Variants in WDR7 observed in about 807,000 individuals in gnomAD.
The protein encoded by WDR7 is WD repeat-containing protein 7.
A neutral mutation model predicts 169.4 loss-of-function variants in WDR7; 46 were observed. The observed-to-expected ratio is 0.27, with a 90% CI of 0.21 to 0.35. WDR7 has a LOEUF of 0.35. Among genes scored for constraint, WDR7 ranks in the 10% least tolerant of loss-of-function variants. WDR7 has a pLI of 1.00. For missense variants in WDR7, 1,534 were observed against 1,859.3 expected, an observed-to-expected ratio of 0.83 and a Z score of 3.22; for synonymous variants, 612 against 666.8, an observed-to-expected ratio of 0.92 and a Z score of 1.27.
At chr18:56,862,615 A>G (rs2145414077) in intron 20 of WDR7, among the ~76,000 whole-genome samples, 1 of 151,966 alleles carries the variant, frequency 6.6e-6, no homozygotes, top group Non-Finnish European at 1.5e-5. Context: ...CTGTCTTGAT[A>G]ATAATTTTGA....
chr18:56,798,123 AG>A (rs1452337426), intron 19 of WDR7, among the ~76,000 whole-genome samples: 8 of 152,224 alleles, frequency 5.3e-5, no homozygotes, highest in African/African-American at 1.9e-4. Flanking sequence ...TTATTTTTAA[AG>A]GATGTAATGA....
In WDR7 at chr18:56,881,740, G is replaced by A. The variant is rs568169408; in HGVS notation, c.3526+1575G>A. Among the ~76,000 whole-genome samples the A allele has an allele frequency of 1.5e-4, 23 of 151,982 alleles. 1 individual carries two copies. The South Asian group carries it at 4.2e-3, about 28-fold the overall frequency. ...AGCCAGGATTACAGGTGTAGGCCAC[G>A]ATGACTGGGTAATTTTTGTATTTTT... is the stretch of plus-strand genomic sequence containing the variant. On this transcript the variant is annotated intron_variant, in intron 21 of 27. Coordinates refer to ENST00000254442, the MANE Select transcript of WDR7 (RefSeq NM_015285.3).
chr18:57,002,686 T>G (rs2048000956), intron 26 of WDR7, among the ~76,000 whole-genome samples: 1 of 152,214 alleles, frequency 6.6e-6, no homozygotes, highest in Non-Finnish European at 1.5e-5. Flanking sequence ...CTGTAACACT[T>G]GAATGGCTGC....
chr18:56,865,374 A>G (rs962323283), intron 20 of WDR7, among the ~76,000 whole-genome samples: 4 of 152,158 alleles, frequency 2.6e-5, no homozygotes, highest in African/African-American at 9.6e-5. Flanking sequence ...TAAACACACT[A>G]TCGGCTTAGA....
chr18:57,017,074 T>C (rs2048215948), intron 26 of WDR7, among the ~76,000 whole-genome samples: 1 of 152,234 alleles, frequency 6.6e-6, no homozygotes, highest in Non-Finnish European at 1.5e-5. Context: ...CACTTACAAG[T>C]TCTGTGCGAT....
intron 25 of WDR7, among the ~76,000 whole-genome samples, chr18:56,941,130 G>T (rs1189678733): frequency 6.6e-6 from 1 of 152,108 alleles, no homozygotes. Flanking sequence ...TGAATAAGAT[G>T]ATATCCTCAC....
intron 21 of WDR7, among the ~76,000 whole-genome samples, chr18:56,908,669 A>G (rs182482678): frequency 2.6e-5 from 4 of 152,316 alleles, no homozygotes; most frequent in East Asian, 1.9e-4. Context: ...CTCATATTCA[A>G]AATTGAAACT....
chr18:56,907,752 C>G (rs1407311811), intron 21 of WDR7, among the ~76,000 whole-genome samples: 1 of 152,132 alleles, frequency 6.6e-6, no homozygotes, highest in Non-Finnish European at 1.5e-5. Flanking sequence ...ATGGATGGTG[C>G]CTTCTTCCTG....
At chr18:56,654,275 G>T (rs2024718385) in intron 1 of WDR7, among the ~76,000 whole-genome samples, 1 of 152,022 alleles carries the variant, frequency 6.6e-6, no homozygotes, top group South Asian at 2.1e-4. Context: ...GCAACTACAG[G>T]CACGCGCCAC....
At chr18:56,876,432 T>C (rs947980975) in intron 20 of WDR7, among the ~76,000 whole-genome samples, 1 of 152,088 alleles carries the variant, frequency 6.6e-6, no homozygotes, top group African/African-American at 2.4e-5. Flanking sequence ...CAAAGAGACA[T>C]AACTAGGCTC....
chr18:57,034,880 G>GC, the WDR7 span: 2 of 152,048 alleles, frequency 1.3e-5, no homozygotes, highest in Admixed American at 1.3e-4. Context: ...CCAAACATGA[G>GC]CAGGCTCAGC....
intron 26 of WDR7, among the ~76,000 whole-genome samples, chr18:57,008,703 C>T (rs1400165672): frequency 7.2e-5 from 11 of 152,302 alleles, no homozygotes; most frequent in African/African-American, 2.2e-4. Context: ...ACTGTCTCCT[C>T]GTCTGTGTTT....
intron 26 of WDR7, among the ~76,000 whole-genome samples, chr18:57,007,707 A>C (rs1231765906): frequency 1.3e-5 from 2 of 152,274 alleles, no homozygotes; most frequent in Non-Finnish European, 2.9e-5. Context: ...TTTAAAAATA[A>C]AATATTAGAT....
At chr18:56,783,560 T>C (rs555975395) in intron 19 of WDR7, among the ~76,000 whole-genome samples, 1 of 152,274 alleles carries the variant, frequency 6.6e-6, no homozygotes, top group South Asian at 2.1e-4. Context: ...TATTGAGACA[T>C]TGGTGCTTTT....
intron 16 of WDR7, among the ~76,000 whole-genome samples, chr18:56,769,132 G>C (rs1158509040): frequency 1.3e-5 from 2 of 151,376 alleles, no homozygotes; most frequent in African/African-American, 4.8e-5. Context: ...TGCTACTTGA[G>C]AAAAAGGGAT....
chr18:56,855,989 A>C (rs2045714585), intron 20 of WDR7, among the ~76,000 whole-genome samples: 1 of 152,100 alleles, frequency 6.6e-6, no homozygotes, highest in Non-Finnish European at 1.5e-5. Flanking sequence ...CATACCCTAC[A>C]TGCATCTATA....
chr18:56,881,427 G>A (rs1313152569), intron 21 of WDR7, among the ~76,000 whole-genome samples: 2 of 152,008 alleles, frequency 1.3e-5, no homozygotes, highest in African/African-American at 4.8e-5. Flanking sequence ...AGCTGGTGGG[G>A]CATAGAGAGG....
chr18:56,803,371 A>G (rs2044710905), intron 19 of WDR7, among the ~76,000 whole-genome samples: 1 of 152,198 alleles, frequency 6.6e-6, no homozygotes, highest in South Asian at 2.1e-4. Context: ...TTAAGAGTCA[A>G]AAGCGTTCCT....
At chr18:56,778,479 C>T (rs1038214572) in intron 17 of WDR7, among the ~76,000 whole-genome samples, 3 of 151,910 alleles carry the variant, frequency 2.0e-5, no homozygotes, top group Admixed American at 6.6e-5. Context: ...GTGGCCTCAT[C>T]GATAATTTGG....
Sources: allele counts gnomAD v4.1 joint callset (sites outside exome capture counted in the v4.1 genomes callset), GRCh38; gene constraint gnomAD v4.1.1; transcripts MANE v1.5; gene names NCBI Gene and HGNC (gene_info 2026-07-23, HGNC 2026-07-21).